The following CDH2 variants were observed in gnomAD, a reference collection of about 807,000 sequenced individuals.
The protein encoded by CDH2 is cadherin-2.
A neutral mutation model predicts 92.0 loss-of-function variants in CDH2; 17 were observed. The ratio of observed to expected loss-of-function variants is 0.18; its 90% CI spans 0.13 to 0.28. The LOEUF is 0.28. Among genes scored for constraint, CDH2 ranks in the 10% least tolerant of loss-of-function variants. The pLI is 1.00. For synonymous variants in CDH2, 419 were observed against 415.9 expected (o/e 1.01, Z -0.09); for missense variants, 862 against 1,133.1 (o/e 0.76, Z 3.44).
In CDH2 at chr18:27,945,323, A is replaced by ATTTTTTTTTTTTT. The variant is rs66537834; in HGVS notation, c.1152-12212_1152-12200dup. Among the ~76,000 whole-genome samples the ATTTTTTTTTTTTT allele has an allele frequency of 5.1e-4, 34 of 66,452 alleles. 1 individual carries two copies. The highest frequency in any genetic ancestry group is 1.8e-3 in the African/African-American group (31 of 16,958). The allele number at this position is 66,452 out of a possible 152,430, so 43.6% of individuals were successfully genotyped here. A position where few individuals can be genotyped will look rare whatever the true frequency, so the allele number is the denominator to read the frequency against. On this transcript the variant is annotated intron_variant, in intron 6 of 6. Coordinates refer to the CDH2 transcript ENST00000675173. ...CAACTGATACTTTCCAGGAAGGAAG[A>ATTTTTTTTTTTTT]TTTTTTTTTTTTTTTTTTTTTTTTT...
At chr18:28,075,905 ATTC>A (rs2014709773) in intron 2 of CDH2, among the ~76,000 whole-genome samples, 2 of 152,310 alleles carry the variant, frequency 1.3e-5, no homozygotes, top group Non-Finnish European at 2.9e-5. Context: ...AAGAATGGTA[ATTC>A]TTCTTATTTA....
chr18:28,053,924 G>T (rs2014242471), intron 2 of CDH2, among the ~76,000 whole-genome samples: 1 of 151,972 alleles, frequency 6.6e-6, no homozygotes, highest in African/African-American at 2.4e-5. Context: ...TTCCTCTTGG[G>T]TTGGACTCTG....
intron 2 of CDH2, among the ~76,000 whole-genome samples, chr18:28,046,971 G>A (rs144999775): frequency 4.6e-5 from 7 of 152,190 alleles, no homozygotes; most frequent in Non-Finnish European, 1.0e-4. Context: ...ATCTAGTGGA[G>A]AGTTGGAAAA....
intron 2 of CDH2, among the ~76,000 whole-genome samples, chr18:28,123,286 G>A (rs941324031): frequency 1.3e-5 from 2 of 152,196 alleles, no homozygotes; most frequent in East Asian, 3.9e-4. Context: ...AGTAAAATAA[G>A]AGTTGACAGA....
At position 28,177,036 on chromosome 18, in the gene CDH2, G is replaced by T. The variant is rs982578277; in HGVS notation, c.-14C>A. 6.5e-5 allele frequency: 96 copies of T among 1,485,020 alleles called. No homozygotes were observed. In the African/African-American group the frequency reaches 1.2e-3, roughly 19 times the overall value. The allele number at this position is 1,485,020 out of a possible 1,614,324, so 92.0% of individuals were successfully genotyped here. On this transcript the variant is annotated 5_prime_UTR_variant, in exon 1 of 16. Transcript: ENST00000269141. ...TATCCGGCACATGGAGGCGGAGAGGGGCCGAGCGAAGAGCCGGAGGAGGCG... is the reference window on the plus strand; with the variant it reads ...TATCCGGCACATGGAGGCGGAGAGGTGCCGAGCGAAGAGCCGGAGGAGGCG...
intron 1 of CDH2, among the ~76,000 whole-genome samples, chr18:28,176,101 C>T (rs2016536378): frequency 6.6e-6 from 1 of 152,206 alleles, no homozygotes; most frequent in Admixed American, 6.5e-5. Flanking sequence ...GTGCTTCCTG[C>T]CGCGGAGGAG....
intron 2 of CDH2, among the ~76,000 whole-genome samples, chr18:28,142,794 T>C (rs908196056): frequency 2.6e-5 from 4 of 151,994 alleles, no homozygotes; most frequent in Non-Finnish European, 5.9e-5. Context: ...CATTTACACA[T>C]TTGATAAAAA....
chr18:28,011,918 C>T lies in CDH2; in HGVS notation c.474G>A (p.Lys158=), dbSNP rs1232510486. The change falls in exon 4 of 16, where the codon AAG becomes AAA. Residue 158 remains lysine (K), a synonymous_variant. Coordinates refer to ENST00000269141, the MANE Select transcript of CDH2 (RefSeq NM_001792.5). ...SKHSGHLQRQ[K]RDWVIPPINL... ...TGATTGGAGGGATGACCCAGTCTCT[C>T]TTCTGCCTTTGTAGGTGGCCACTGT... is the stretch of plus-strand genomic sequence containing the variant. 6.2e-7 allele frequency: 1 copy of T among 1,613,890 alleles called. No individual in the cohort carries two copies. Among genetic ancestry groups the T allele is most frequent in the African/African-American group, 1.3e-5 (1 of 74,918 alleles).
At chr18:28,146,221 AT>A (rs1481416657) in intron 2 of CDH2, 1 of 152,160 alleles carries the variant, frequency 6.6e-6, no homozygotes, top group East Asian at 1.9e-4. Context: ...TCTCAAAAAT[AT>A]GCTGCAGCAA....
At chr18:28,017,457 T>C (rs1307511932) in intron 2 of CDH2, among the ~76,000 whole-genome samples, 1 of 152,180 alleles carries the variant, frequency 6.6e-6, no homozygotes, top group Non-Finnish European at 1.5e-5. Flanking sequence ...TTGGTTGTAG[T>C]ATCTCCCGTT....
At chr18:28,136,696 C>T (rs2015867942) in intron 2 of CDH2, among the ~76,000 whole-genome samples, 1 of 152,058 alleles carries the variant, frequency 6.6e-6, no homozygotes, top group African/African-American at 2.4e-5. Context: ...TACAACACCT[C>T]CAAAAATCCA....
intron 2 of CDH2, among the ~76,000 whole-genome samples, chr18:28,063,795 T>C (rs2014452050): frequency 6.6e-6 from 1 of 152,238 alleles, no homozygotes; most frequent in South Asian, 2.1e-4. Flanking sequence ...CTGGGATTTG[T>C]AGACAAAAGT....
intron 2 of CDH2, among the ~76,000 whole-genome samples, chr18:28,073,098 C>G (rs990160231): frequency 2.0e-5 from 3 of 151,996 alleles, no homozygotes; most frequent in African/African-American, 7.2e-5. Flanking sequence ...ACAGAGGATA[C>G]TGCAAGAATA....
chr18:27,951,340 G>A lies in CDH2; in HGVS notation c.*813C>T, dbSNP rs542775540. On this transcript the variant is annotated 3_prime_UTR_variant, in exon 16 of 16. Coordinates refer to ENST00000269141, the MANE Select transcript of CDH2 (RefSeq NM_001792.5). ...GTTTTGTAAATACTTTATCCATAAC[G>A]AAAGATATAAACATGCAAAAAACCT... 2.6e-5 allele frequency: 4 copies of A among 152,288 alleles called. No individual in the cohort carries two copies. The highest frequency in any genetic ancestry group is 7.2e-5 in the African/African-American group (3 of 41,494). 9.4% of individuals were successfully genotyped at this position (152,288 alleles called of 1,614,324 possible).
chr18:28,028,172 C>A (rs927601035), intron 2 of CDH2, among the ~76,000 whole-genome samples: 4 of 151,770 alleles, frequency 2.6e-5, no homozygotes, highest in African/African-American at 9.7e-5. Flanking sequence ...GAAAAAAAAA[C>A]CTAAACTAAA....
At chr18:28,154,607 T>G (rs1208028647) in intron 1 of CDH2, among the ~76,000 whole-genome samples, 1 of 152,232 alleles carries the variant, frequency 6.6e-6, no homozygotes, top group Non-Finnish European at 1.5e-5. Context: ...TTCAAATTTT[T>G]CCACGGTCTC....
At chr18:28,138,966 G>C (rs1234434589) in intron 2 of CDH2, among the ~76,000 whole-genome samples, 3 of 151,978 alleles carry the variant, frequency 2.0e-5, no homozygotes, top group Non-Finnish European at 4.4e-5. Flanking sequence ...GCAGAAACTG[G>C]AAAACCATCT....
chr18:28,097,633 CTT>C (rs2015158567), intron 2 of CDH2, among the ~76,000 whole-genome samples: 1 of 151,972 alleles, frequency 6.6e-6, no homozygotes, highest in African/African-American at 2.4e-5. Flanking sequence ...CTAGAGATAA[CTT>C]AAAGTATACA....
At position 28,174,856 on chromosome 18, in the gene CDH2, T is replaced by C. The variant is rs2016513800; in HGVS notation, c.60+2107A>G. 1.3e-5 allele frequency among the ~76,000 whole-genome samples: 2 copies of C among 152,204 alleles called. 1 individual carries two copies. The highest frequency in any genetic ancestry group is 4.8e-5 in the African/African-American group (2 of 41,450). ...GTTTGTGAAAATAACCATCTGCTGCTGGATTCACACTGAGGATTTACTGTC... is the reference window on the plus strand; with the variant it reads ...GTTTGTGAAAATAACCATCTGCTGCCGGATTCACACTGAGGATTTACTGTC... On this transcript the variant is annotated intron_variant, in intron 1 of 15. Transcript: ENST00000269141.
Sources: gnomAD v4.1 joint callset for allele counts (sites outside exome capture counted in the v4.1 genomes callset) on GRCh38, gnomAD v4.1.1 for gene constraint, MANE v1.5 for transcripts, NCBI Gene and HGNC (gene_info 2026-07-23, HGNC 2026-07-21) for gene names.